The following SDC2 variants were observed in gnomAD, a reference collection of about 807,000 sequenced individuals.
SDC2 encodes the protein syndecan-2.
A neutral mutation model predicts 22.2 loss-of-function variants in SDC2; 13 were observed. That is an observed-to-expected ratio of 0.59 (90% CI 0.38 to 0.93). The LOEUF (loss-of-function observed/expected upper bound fraction) is 0.93, where lower values mean the gene tolerates loss of function less well. Among genes scored for constraint, SDC2 ranks in the 40% least tolerant of loss-of-function variants. SDC2 has a pLI of 0.00. For missense variants in SDC2, 235 were observed against 246.8 expected (o/e 0.95, Z 0.32); for synonymous variants, 94 against 92.8 (o/e 1.01, Z -0.07).
At chr8:96,533,727 G>GC (rs1813704436) in intron 1 of SDC2, among the ~76,000 whole-genome samples, 1 of 152,200 alleles carries the variant, frequency 6.6e-6, no homozygotes, top group Non-Finnish European at 1.5e-5. Flanking sequence ...CAATCCCTTA[G>GC]CTAGACATAA....
At chr8:96,515,997 T>G (rs1464774993) in intron 1 of SDC2, among the ~76,000 whole-genome samples, 1 of 152,190 alleles carries the variant, frequency 6.6e-6, no homozygotes, top group Non-Finnish European at 1.5e-5. Flanking sequence ...CCTTCCAGGC[T>G]GATGGATCTC....
intron 1 of SDC2, among the ~76,000 whole-genome samples, chr8:96,559,466 C>G (rs1489085871): frequency 1.3e-5 from 2 of 152,134 alleles, no homozygotes; most frequent in East Asian, 3.9e-4. Flanking sequence ...CTGCAGATTT[C>G]TGAAGAGAAG....
At chr8:96,590,079 TA>T in intron 1 of SDC2, among the ~76,000 whole-genome samples, 1 of 152,244 alleles carries the variant, frequency 6.6e-6, no homozygotes, top group East Asian at 1.9e-4. Context: ...CAGAACCCTC[TA>T]TCTGTCTGCC....
chr8:96,604,788 C>G (rs1224391608), intron 3 of SDC2, among the ~76,000 whole-genome samples: 1 of 152,190 alleles, frequency 6.6e-6, no homozygotes, highest in Non-Finnish European at 1.5e-5. Context: ...TGTGGCAGAT[C>G]TTTACTTGGC....
intron 1 of SDC2, among the ~76,000 whole-genome samples, chr8:96,562,213 T>C (rs1290221262): frequency 6.6e-6 from 1 of 152,248 alleles, no homozygotes; most frequent in Admixed American, 6.5e-5. Context: ...TGTTTTTGCA[T>C]GTGGATGTCC....
At chr8:96,574,031 C>A (rs1236718546) in intron 1 of SDC2, among the ~76,000 whole-genome samples, 1 of 150,460 alleles carries the variant, frequency 6.6e-6, no homozygotes. Flanking sequence ...CCCTCTGCAC[C>A]CCCTCCCCTC....
chr8:96,603,720 C>T (rs1197970309), intron 3 of SDC2, among the ~76,000 whole-genome samples: 9 of 152,206 alleles, frequency 5.9e-5, no homozygotes, highest in Admixed American at 2.6e-4. Context: ...TGAATGGCAC[C>T]GCTGGATGGG....
chr8:96,594,339 G>A (rs1216163628), intron 2 of SDC2, among the ~76,000 whole-genome samples: 1 of 152,072 alleles, frequency 6.6e-6, no homozygotes, highest in East Asian at 1.9e-4. Flanking sequence ...TGCAGCTTTC[G>A]GGTACTCATA....
chr8:96,502,289 C>T (rs548938587), intron 1 of SDC2, among the ~76,000 whole-genome samples: 2 of 152,114 alleles, frequency 1.3e-5, no homozygotes, highest in African/African-American at 4.8e-5. Context: ...GGGAAACCGC[C>T]CCCATGTTTC....
At chr8:96,554,247 T>A (rs1814073429) in intron 1 of SDC2, among the ~76,000 whole-genome samples, 1 of 152,228 alleles carries the variant, frequency 6.6e-6, no homozygotes. Flanking sequence ...TATAAGATTC[T>A]GGTGTATTGA....
intron 1 of SDC2, among the ~76,000 whole-genome samples, chr8:96,502,351 A>G (rs956348020): frequency 2.6e-5 from 4 of 152,340 alleles, no homozygotes; most frequent in Non-Finnish European, 5.9e-5. Flanking sequence ...TTACAGTTCA[A>G]GGTGAGATTT....
intron 1 of SDC2, among the ~76,000 whole-genome samples, chr8:96,575,284 C>G (rs567785595): frequency 6.7e-6 from 1 of 149,276 alleles, no homozygotes; most frequent in East Asian, 2.0e-4. Flanking sequence ...ACACAGGTAA[C>G]GAATGAAAAA....
intron 1 of SDC2, among the ~76,000 whole-genome samples, chr8:96,495,371 C>T (rs1813055872): frequency 6.6e-6 from 1 of 152,270 alleles, no homozygotes; most frequent in South Asian, 2.1e-4. Context: ...CCACGTCGCC[C>T]AATGAGCGCC....
At chr8:96,526,458 T>A (rs1053649428) in intron 1 of SDC2, among the ~76,000 whole-genome samples, 5 of 152,200 alleles carry the variant, frequency 3.3e-5, no homozygotes, top group African/African-American at 4.8e-5. Flanking sequence ...TTACAGAAAC[T>A]TCTTCTCTCC....
intron 1 of SDC2, among the ~76,000 whole-genome samples, chr8:96,511,827 G>A (rs1260679806): frequency 1.3e-5 from 2 of 149,748 alleles, no homozygotes; most frequent in South Asian, 2.1e-4. Flanking sequence ...CAAGGCTTAC[G>A]TAACTCTCAG....
At chr8:96,561,585 T>A (rs1284622599) in intron 1 of SDC2, among the ~76,000 whole-genome samples, 1 of 152,234 alleles carries the variant, frequency 6.6e-6, no homozygotes, top group Non-Finnish European at 1.5e-5. Flanking sequence ...GTTTATTTCA[T>A]TGTTGTTAGA....
intron 1 of SDC2, among the ~76,000 whole-genome samples, chr8:96,508,577 G>GTCTGTGAGA (rs1412192934): frequency 2.5e-4 from 35 of 141,058 alleles, no homozygotes; most frequent in African/African-American, 8.3e-4. Flanking sequence ...AGAAAAATAA[G>GTCTGTGAGA]TCTGTGAGAT....
intron 1 of SDC2, among the ~76,000 whole-genome samples, chr8:96,588,076 C>G (rs531364344): frequency 6.6e-6 from 1 of 152,258 alleles, no homozygotes; most frequent in South Asian, 2.1e-4. Context: ...CCTTTTGAAC[C>G]CGAGGCTGAA....
intron 1 of SDC2, among the ~76,000 whole-genome samples, chr8:96,503,705 T>G (rs1813199618): frequency 6.6e-6 from 1 of 152,240 alleles, no homozygotes; most frequent in Non-Finnish European, 1.5e-5. Flanking sequence ...TCTTACACTG[T>G]GTGTGAGTCT....
Sources: allele counts gnomAD v4.1 joint callset (sites outside exome capture counted in the v4.1 genomes callset), GRCh38; gene constraint gnomAD v4.1.1; transcripts MANE v1.5; gene names NCBI Gene and HGNC (gene_info 2026-07-23, HGNC 2026-07-21).